The following OTOA variants were observed in gnomAD, a reference collection of about 807,000 sequenced individuals.
OTOA encodes the protein cancer/testis antigen 108.
In OTOA, 70 loss-of-function variants were observed where a neutral mutation model predicts 110.8. The ratio of observed to expected loss-of-function variants is 0.63; its 90% CI spans 0.52 to 0.77. The LOEUF is 0.77. OTOA is among the 30% of genes least tolerant of loss of function. The pLI, the probability that OTOA is intolerant of heterozygous loss-of-function variation, is 0.00. For synonymous variants in OTOA, 373 were observed against 431.5 expected (o/e 0.86, Z 1.68); for missense variants, 917 against 1,075.8 (o/e 0.85, Z 2.06).
At chr16:21,674,396 T>C (rs924472186) in intron 1 of OTOA, among the ~76,000 whole-genome samples, 1 of 151,938 alleles carries the variant, frequency 6.6e-6, no homozygotes, top group African/African-American at 2.4e-5. Flanking sequence ...CTGCAACCTC[T>C]GCCTCCCAGT....
At chr16:21,702,716 G>T (rs1335447472) in intron 11 of OTOA, among the ~76,000 whole-genome samples, 2 of 151,854 alleles carry the variant, frequency 1.3e-5, no homozygotes, top group Non-Finnish European at 1.5e-5. Flanking sequence ...TCACTCTGTC[G>T]CCAGGCTGGA....
intron 11 of OTOA, 37 bp downstream of exon 11, chr16:21,701,064 C>T (rs920942240): frequency 2.6e-5 from 42 of 1,613,598 alleles, no homozygotes; most frequent in Non-Finnish European, 3.5e-5. Flanking sequence ...AGCCCTTTCC[C>T]AAGATGTGAT....
At chr16:21,667,083 A>C (rs1966841551) in intron 1 of OTOA, among the ~76,000 whole-genome samples, 1 of 152,198 alleles carries the variant, frequency 6.6e-6, no homozygotes, top group Admixed American at 6.5e-5. Context: ...CAAATGACCC[A>C]AACCAGGAAG....
chr16:21,756,602 G>A (rs554959785), intron 27 of OTOA, among the ~76,000 whole-genome samples: 1 of 152,120 alleles, frequency 6.6e-6, no homozygotes, highest in South Asian at 2.1e-4. Flanking sequence ...GTCCTGCATT[G>A]CATTAAACAA....
At chr16:21,675,727 G>A (rs538293078) in intron 1 of OTOA, among the ~76,000 whole-genome samples, 1 of 150,952 alleles carries the variant, frequency 6.6e-6, no homozygotes, top group Non-Finnish European at 1.5e-5. Context: ...GGTTTTTTTC[G>A]CACCTACCAT....
intron 14 of OTOA, among the ~76,000 whole-genome samples, chr16:21,716,428 G>A (rs757979374): frequency 2.0e-5 from 3 of 152,006 alleles, no homozygotes; most frequent in Non-Finnish European, 4.4e-5. Context: ...AAAATTAGCC[G>A]GGTGTGGTAG....
At chr16:21,721,115 A>G (rs1010220360) in intron 17 of OTOA, among the ~76,000 whole-genome samples, 1 of 151,228 alleles carries the variant, frequency 6.6e-6, no homozygotes, top group Non-Finnish European at 1.5e-5. Context: ...GGGTTTCATC[A>G]TGTTGGCCAG....
intron 15 of OTOA, among the ~76,000 whole-genome samples, chr16:21,717,828 G>T (rs539577768): frequency 1.3e-5 from 2 of 152,136 alleles, no homozygotes; most frequent in African/African-American, 4.8e-5. Context: ...TGAATGAAAC[G>T]ACACAAATCC....
intron 9 of OTOA, among the ~76,000 whole-genome samples, chr16:21,696,838 T>C (rs1402206569): frequency 6.6e-6 from 1 of 151,980 alleles, no homozygotes; most frequent in Non-Finnish European, 1.5e-5. Context: ...TAAAACTACA[T>C]TTTGTGGGTT....
At chr16:21,724,801 G>A (rs1397162129) in intron 18 of OTOA, among the ~76,000 whole-genome samples, 1 of 151,942 alleles carries the variant, frequency 6.6e-6, no homozygotes, top group Non-Finnish European at 1.5e-5. Context: ...TTTTGAGACA[G>A]AGTCTCCCTC....
chr16:21,695,914 A>C (rs1207405607), intron 9 of OTOA, among the ~76,000 whole-genome samples: 1 of 16,772 alleles, frequency 6.0e-5, no homozygotes, highest in African/African-American at 3.1e-4. Context: ...TTTTTTTCTG[A>C]GATGGAGTCT....
intron 1 of OTOA, among the ~76,000 whole-genome samples, chr16:21,669,982 T>C (rs868318950): frequency 3.3e-5 from 5 of 152,026 alleles, no homozygotes; most frequent in Admixed American, 1.3e-4. Flanking sequence ...AAAAATTAGC[T>C]GGGTGTGGTG....
intron 1 of OTOA, among the ~76,000 whole-genome samples, chr16:21,666,482 G>A (rs909149265): frequency 3.9e-5 from 6 of 152,054 alleles, no homozygotes; most frequent in South Asian, 2.1e-4. Context: ...CAACTCCTCC[G>A]GGTTTGCCTG....
intron 12 of OTOA, among the ~76,000 whole-genome samples, chr16:21,707,655 T>TTC (rs747223021): frequency 8.7e-4 from 87 of 100,428 alleles, no homozygotes; most frequent in African/African-American, 2.7e-3. Flanking sequence ...CTTTCTTTCT[T>TTC]TCTCTTTCTT....
At chr16:21,727,293 A>T (rs568597907) in intron 19 of OTOA, 16 of 156,584 alleles carry the variant, frequency 1.0e-4, no homozygotes, top group Admixed American at 2.5e-4. Flanking sequence ...TTGGGATTAC[A>T]GACATGAGCC....
At chr16:21,680,396 C>A (rs984454873) in intron 5 of OTOA, among the ~76,000 whole-genome samples, 1 of 152,064 alleles carries the variant, frequency 6.6e-6, no homozygotes, top group African/African-American at 2.4e-5. Context: ...TACCTGTAGT[C>A]CCAGCTACTC....
chr16:21,737,008 C>T lies in OTOA; in HGVS notation c.2431+618C>T, dbSNP rs908191118. The stretch of plus-strand genomic sequence containing the variant: ...TGACAGGGCCGGGCTGGCTACATTT[C>T]ACTCCTGAGTCTGCCACTTACTGGC... On this transcript the variant is annotated intron_variant, in intron 22 of 28. Transcript: ENST00000646100. Among the ~76,000 whole-genome samples, 4 of 152,300 alleles carry T rather than the reference C, an allele frequency of 2.6e-5. No individual in the cohort carries two copies. In the East Asian group the frequency reaches 7.7e-4, roughly 29 times the overall value.
chr16:21,711,231 G>T (rs76352799), intron 13 of OTOA, among the ~76,000 whole-genome samples: 1 of 152,136 alleles, frequency 6.6e-6, no homozygotes, highest in African/African-American at 2.4e-5. Flanking sequence ...AAAAGTAATT[G>T]CGGTTTTTGC....
chr16:21,684,623 C>A, intron 6 of OTOA: 1 of 1,317,612 alleles, frequency 7.6e-7, no homozygotes, highest in Non-Finnish European at 1.1e-6. Flanking sequence ...TGTCCCTTGG[C>A]TTGCCAATTA....
Sources: gnomAD v4.1 joint callset for allele counts (sites outside exome capture counted in the v4.1 genomes callset) on GRCh38, gnomAD v4.1.1 for gene constraint, MANE v1.5 for transcripts, NCBI Gene and HGNC (gene_info 2026-07-23, HGNC 2026-07-21) for gene names.